CTNNA3: variants seen among roughly 807,000 people sequenced by gnomAD.
CTNNA3 encodes catenin alpha-3.
Under a neutral mutation model 95.7 loss-of-function variants are expected in CTNNA3, and 76 were observed. That is an observed-to-expected ratio of 0.79 (90% confidence interval 0.66 to 0.96). The LOEUF is 0.96. Among genes scored for constraint, CTNNA3 ranks in the 40% least tolerant of loss-of-function variants. CTNNA3 has a pLI of 0.00. For synonymous variants in CTNNA3, 431 were observed against 374.4 expected (o/e 1.15, Z -1.74); for missense variants, 1,191 against 1,089.8 (o/e 1.09, Z -1.31).
chr10:66,214,631 G>A (rs974702321), intron 13 of CTNNA3, among the ~76,000 whole-genome samples: 1 of 151,632 alleles, frequency 6.6e-6, no homozygotes, highest in Non-Finnish European at 1.5e-5. Context: ...GAAAGAGAGG[G>A]AGAAAAAATA....
intron 5 of CTNNA3, among the ~76,000 whole-genome samples, chr10:67,272,492 G>A (rs955830726): frequency 9.9e-5 from 15 of 152,126 alleles, no homozygotes; most frequent in Non-Finnish European, 1.2e-4. Flanking sequence ...GTTGGAGGCT[G>A]TAGTCAGCTA....
intron 9 of CTNNA3, among the ~76,000 whole-genome samples, chr10:66,628,216 A>C (rs1255837664): frequency 6.6e-6 from 1 of 152,172 alleles, no homozygotes. Flanking sequence ...AATCATTGTT[A>C]ATATAAATTA....
At chr10:66,768,158 G>A (rs1322295910) in intron 8 of CTNNA3, among the ~76,000 whole-genome samples, 1 of 152,164 alleles carries the variant, frequency 6.6e-6, no homozygotes. Flanking sequence ...ATTTCTCAGA[G>A]TGGGGGCATT....
chr10:67,506,076 C>T (rs1261109142), intron 5 of CTNNA3, among the ~76,000 whole-genome samples: 1 of 152,082 alleles, frequency 6.6e-6, no homozygotes, highest in Non-Finnish European at 1.5e-5. Flanking sequence ...GTCAGTTGAC[C>T]ACAGAAGAGA....
intron 11 of CTNNA3, among the ~76,000 whole-genome samples, chr10:66,443,675 C>A (rs369848400): frequency 1.8e-4 from 27 of 152,068 alleles, no homozygotes; most frequent in Middle Eastern, 3.4e-3. Flanking sequence ...CCCATCTGTA[C>A]GTTGCCATCA....
chr10:66,448,012 C>T (rs192299024), intron 11 of CTNNA3, among the ~76,000 whole-genome samples: 110 of 152,128 alleles, frequency 7.2e-4, no homozygotes, highest in East Asian at 3.9e-3. Flanking sequence ...AAAAAGTGGG[C>T]GAAGGATATG....
At chr10:66,613,924 A>T (rs1463873923) in intron 10 of CTNNA3, among the ~76,000 whole-genome samples, 1 of 152,086 alleles carries the variant, frequency 6.6e-6, no homozygotes, top group Non-Finnish European at 1.5e-5. Context: ...ATGAAAGAGA[A>T]TATGTTTGCT....
chr10:67,149,566 C>T (rs1435744277), intron 7 of CTNNA3, among the ~76,000 whole-genome samples: 2 of 152,240 alleles, frequency 1.3e-5, no homozygotes, highest in Non-Finnish European at 2.9e-5. Context: ...GCCTGGGCAA[C>T]AGAGATAGAC....
At chr10:65,933,772 C>G (rs1020520180) in intron 17 of CTNNA3, among the ~76,000 whole-genome samples, 2 of 152,110 alleles carry the variant, frequency 1.3e-5, no homozygotes, top group African/African-American at 2.4e-5. Flanking sequence ...CTGTGGCAGA[C>G]ACTATTTGCC....
At chr10:66,741,242 T>G (rs894594248) in intron 9 of CTNNA3, among the ~76,000 whole-genome samples, 4 of 152,126 alleles carry the variant, frequency 2.6e-5, no homozygotes, top group Admixed American at 1.3e-4. Context: ...TGGGTTATGA[T>G]AGTGGATCAA....
At chr10:67,699,751 G>C (rs1329606838), upstream of CTNNA3, among the ~76,000 whole-genome samples, 1 of 152,224 alleles carries the variant, frequency 6.6e-6, no homozygotes, top group Non-Finnish European at 1.5e-5. Flanking sequence ...CATCTCACTA[G>C]GGAGTGCCAG....
At chr10:67,406,944 A>T (rs1845159242) in intron 5 of CTNNA3, among the ~76,000 whole-genome samples, 2 of 152,204 alleles carry the variant, frequency 1.3e-5, no homozygotes, top group African/African-American at 2.4e-5. Flanking sequence ...TCAACCAAAA[A>T]AAGCCCATAA....
At chr10:66,155,565 G>A (rs2084450048) in intron 13 of CTNNA3, among the ~76,000 whole-genome samples, 1 of 151,828 alleles carries the variant, frequency 6.6e-6, no homozygotes, top group South Asian at 2.1e-4. Flanking sequence ...CTGATCTACA[G>A]CAACAACAAT....
At position 66,069,433 on chromosome 10, in the gene CTNNA3, A is replaced by C. The variant is rs762060853; in HGVS notation, c.2034T>G (p.Ala678=). 1.9e-6 allele frequency: 3 copies of C among 1,613,574 alleles called. No individual in the cohort carries two copies. The highest frequency in any genetic ancestry group is 2.5e-6 in the Non-Finnish European group (3 of 1,179,716). The change falls in exon 15 of 18, where the codon GCT becomes GCG. Residue 678 remains alanine (A), a synonymous_variant. Coordinates refer to ENST00000433211, the MANE Select transcript of CTNNA3 (RefSeq NM_013266.4). ...GCTTACTCTTTACTTTCTTGAAATC[A>C]GCAACTTGCTCAGCAATCTTTTCTT... ...AEKEKIAEQV[A]DFKKVKSKLD...
intron 10 of CTNNA3, among the ~76,000 whole-genome samples, chr10:66,583,311 G>C (rs1038000540): frequency 3.8e-4 from 57 of 150,874 alleles, no homozygotes; most frequent in African/African-American, 1.2e-3. Flanking sequence ...TGTTGTTGTT[G>C]TTGTTGTTGT....
At chr10:67,218,670 C>G (rs987744394) in intron 6 of CTNNA3, among the ~76,000 whole-genome samples, 1 of 152,198 alleles carries the variant, frequency 6.6e-6, no homozygotes, top group East Asian at 1.9e-4. Context: ...TCCATTCTAT[C>G]AAAATTCAGT....
intron 9 of CTNNA3, among the ~76,000 whole-genome samples, chr10:66,652,082 T>G (rs536887384): frequency 2.0e-5 from 2 of 99,164 alleles, no homozygotes; most frequent in South Asian, 7.5e-4. Flanking sequence ...AAACAAATGT[T>G]ACACCTCAAG....
At chr10:66,947,205 A>G (rs1848316270) in intron 7 of CTNNA3, among the ~76,000 whole-genome samples, 1 of 152,106 alleles carries the variant, frequency 6.6e-6, no homozygotes, top group Non-Finnish European at 1.5e-5. Flanking sequence ...TTTCCAAGGT[A>G]TGGCCCCAGG....
At chr10:67,208,378 C>CAAAAAAAAA (rs3056794) in intron 6 of CTNNA3, among the ~76,000 whole-genome samples, 1 of 93,180 alleles carries the variant, frequency 1.1e-5, no homozygotes, top group Admixed American at 1.3e-4. Context: ...GACTCTGTCT[C>CAAAAAAAAA]AAAAAAAAAA....
Sources: gnomAD v4.1 joint callset for allele counts (sites outside exome capture counted in the v4.1 genomes callset) on GRCh38, gnomAD v4.1.1 for gene constraint, MANE v1.5 for transcripts, NCBI Gene and HGNC (gene_info 2026-07-23, HGNC 2026-07-21) for gene names.